RBFOX1: variants seen among roughly 807,000 people sequenced by gnomAD.
RBFOX1 encodes the protein RNA binding fox-1 homolog 1, also known as RNA binding protein fox-1 homolog 1.
RBFOX1 carries 8 observed loss-of-function variants against 57.7 expected under a neutral mutation model. The ratio of observed to expected loss-of-function variants is 0.14; its 90% CI spans 0.08 to 0.25. The LOEUF is 0.25. RBFOX1 is among the 10% of genes least tolerant of loss of function. RBFOX1 has a pLI of 1.00. For synonymous variants in RBFOX1, 326 were observed against 222.4 expected (o/e 1.47, Z -4.15); for missense variants, 611 against 548.5 (o/e 1.11, Z -1.14).
At chr16:7,216,231 C>T (rs1049217594) in intron 4 of RBFOX1, among the ~76,000 whole-genome samples, 1 of 152,166 alleles carries the variant, frequency 6.6e-6, no homozygotes, top group African/African-American at 2.4e-5. Flanking sequence ...TGAATCATGC[C>T]ACTATCTGCA....
chr16:6,191,821 A>G lies in RBFOX1; in HGVS notation c.-126-125174A>G, dbSNP rs143537419. On this transcript the variant is annotated intron_variant, in intron 1 of 15. Coordinates refer to ENST00000550418, the MANE Select transcript of RBFOX1 (RefSeq NM_018723.4). ...CTTTCCTTGGAATGCAGGTATCGAG[A>G]CTTGATTTTCAGAATTTTGCACTAG... Among the ~76,000 whole-genome samples the G allele has an allele frequency of 6.0e-4, 91 of 152,232 alleles. No homozygotes were observed. In the East Asian group the frequency reaches 0.012, roughly 20 times the overall value.
chr16:5,243,531 T>C (rs2062221746), intron 1 of RBFOX1, among the ~76,000 whole-genome samples: 1 of 152,144 alleles, frequency 6.6e-6, no homozygotes, highest in African/African-American at 2.4e-5. Flanking sequence ...TATTGTAGGA[T>C]GGTTAGCGGC....
intron 1 of RBFOX1, among the ~76,000 whole-genome samples, chr16:6,290,196 A>T (rs1026808477): frequency 7.0e-6 from 1 of 143,652 alleles, no homozygotes; most frequent in African/African-American, 2.5e-5. Flanking sequence ...CTTGTATAAT[A>T]AGCACCAAAA....
chr16:6,828,699 T>A (rs1366009583), intron 3 of RBFOX1, among the ~76,000 whole-genome samples: 1 of 151,946 alleles, frequency 6.6e-6, no homozygotes, highest in Admixed American at 6.6e-5. Flanking sequence ...CCTAAGTCAC[T>A]GTGACTTGGG....
chr16:7,295,934 T>C (rs749981282), intron 4 of RBFOX1, among the ~76,000 whole-genome samples: 2 of 152,194 alleles, frequency 1.3e-5, no homozygotes, highest in Non-Finnish European at 2.9e-5. Flanking sequence ...GGTGTTTGGT[T>C]TGGTTTGCTG....
At chr16:6,725,551 C>A (rs912072313) in intron 3 of RBFOX1, among the ~76,000 whole-genome samples, 1 of 152,112 alleles carries the variant, frequency 6.6e-6, no homozygotes, top group Non-Finnish European at 1.5e-5. Flanking sequence ...AAATAATCCA[C>A]CCCCTGTTTA....
chr16:6,417,454 G>A (rs2093655400), intron 2 of RBFOX1, among the ~76,000 whole-genome samples: 1 of 126,894 alleles, frequency 7.9e-6, no homozygotes, highest in Non-Finnish European at 1.6e-5. Flanking sequence ...CAGTGGCACT[G>A]TGTTGGCTCA....
intron 4 of RBFOX1, among the ~76,000 whole-genome samples, chr16:7,324,819 G>C (rs2096590746): frequency 6.6e-6 from 1 of 152,056 alleles, no homozygotes. Context: ...GAGTAACCCA[G>C]GGTCCTGGAT....
At chr16:7,334,218 C>A (rs1412958255) in intron 4 of RBFOX1, among the ~76,000 whole-genome samples, 2 of 152,052 alleles carry the variant, frequency 1.3e-5, no homozygotes, top group Non-Finnish European at 1.5e-5. Context: ...ACAAAACATT[C>A]TCTCTTTCTG....
intron 3 of RBFOX1, among the ~76,000 whole-genome samples, chr16:5,743,578 C>T (rs11076959): frequency 0.46 from 69,277 of 152,056 alleles, 16,091 homozygotes; most frequent in East Asian, 0.57. Context: ...TAAAACCTAT[C>T]TTTAAAAGTA....
chr16:6,043,260 A>G (rs1286287015), intron 1 of RBFOX1, among the ~76,000 whole-genome samples: 3 of 151,456 alleles, frequency 2.0e-5, no homozygotes, highest in Non-Finnish European at 4.4e-5. Flanking sequence ...TTGTTTTCAG[A>G]TCTTAAAAGG....
At chr16:6,560,842 C>G (rs144905141) in intron 2 of RBFOX1, among the ~76,000 whole-genome samples, 395 of 152,274 alleles carry the variant, frequency 2.6e-3, no homozygotes, top group Non-Finnish European at 4.9e-3. Flanking sequence ...TCTCCAAGAT[C>G]AAGCCTAGTG....
chr16:6,310,740 A>G (rs1403214028), intron 1 of RBFOX1, among the ~76,000 whole-genome samples: 1 of 152,178 alleles, frequency 6.6e-6, no homozygotes, highest in Non-Finnish European at 1.5e-5. Flanking sequence ...TGCCACTCCA[A>G]TAGAAAAGAC....
chr16:7,529,625 C>T (rs889412153), intron 5 of RBFOX1, among the ~76,000 whole-genome samples: 3 of 152,122 alleles, frequency 2.0e-5, no homozygotes, highest in African/African-American at 4.8e-5. Context: ...CTGGGTTCTC[C>T]TGTTCACTAC....
At position 6,759,468 on chromosome 16, in the gene RBFOX1, G is replaced by A. The variant is rs982296080; in HGVS notation, c.-16+104818G>A. Among the ~76,000 whole-genome samples, 6 of 132,810 alleles carry A rather than the reference G, an allele frequency of 4.5e-5. No homozygotes were observed. The East Asian group carries it at 6.8e-4, about 15-fold the overall frequency. 87.1% of individuals were successfully genotyped at this position (132,810 alleles called of 152,430 possible). A position where few individuals can be genotyped will look rare whatever the true frequency, so the allele number is the denominator to read the frequency against. On this transcript the variant is annotated intron_variant, in intron 3 of 15. Coordinates refer to ENST00000550418, the MANE Select transcript of RBFOX1 (RefSeq NM_018723.4). ...ACCAACTTCATTTCTTGATATGTCA[G>A]TTGTCTGTGTGTGTGTGTGTGTGTG... is the stretch of plus-strand genomic sequence containing the variant.
intron 2 of RBFOX1, among the ~76,000 whole-genome samples, chr16:5,502,433 G>C (rs531551314): frequency 6.6e-6 from 1 of 152,254 alleles, no homozygotes; most frequent in East Asian, 1.9e-4. Flanking sequence ...GGGTCAGGGG[G>C]TGGACATGGA....
chr16:7,263,531 T>G (rs905020108), intron 4 of RBFOX1, among the ~76,000 whole-genome samples: 6 of 152,074 alleles, frequency 3.9e-5, no homozygotes, highest in Non-Finnish European at 1.5e-5. Context: ...GTTCCTTAGG[T>G]GCTTTGGGTT....
At chr16:6,949,174 C>A (rs762529503) in intron 3 of RBFOX1, among the ~76,000 whole-genome samples, 1 of 151,520 alleles carries the variant, frequency 6.6e-6, no homozygotes. Context: ...CCTGAAAAGT[C>A]TAAGGTCTAG....
At chr16:7,225,043 G>C (rs2093004759) in intron 4 of RBFOX1, among the ~76,000 whole-genome samples, 1 of 152,082 alleles carries the variant, frequency 6.6e-6, no homozygotes, top group Non-Finnish European at 1.5e-5. Context: ...GTTGTTGCCG[G>C]AGTTAAATAA....
Sources: gnomAD v4.1 joint callset for allele counts (sites outside exome capture counted in the v4.1 genomes callset) on GRCh38, gnomAD v4.1.1 for gene constraint, MANE v1.5 for transcripts, NCBI Gene and HGNC (gene_info 2026-07-23, HGNC 2026-07-21) for gene names.